PDPN: variants seen among roughly 807,000 people sequenced by gnomAD.
PDPN encodes the protein PA2.26 antigen.
PDPN carries 12 observed loss-of-function variants against 23.2 expected under a neutral mutation model. That is an observed-to-expected ratio of 0.52 (90% confidence interval 0.33 to 0.84). The LOEUF (loss-of-function observed/expected upper bound fraction) is 0.84, where lower values mean the gene tolerates loss of function less well. PDPN is among the 40% of genes least tolerant of loss of function. The pLI, the probability that PDPN is intolerant of heterozygous loss-of-function variation, is 0.02. For missense variants in PDPN, 199 were observed against 212.2 expected (o/e 0.94, Z 0.39); for synonymous variants, 77 against 76.7 (o/e 1.00, Z -0.02).
chr1:13,615,509 A>G (rs923209627), intron 5 of PDPN, among the ~76,000 whole-genome samples: 4 of 151,976 alleles, frequency 2.6e-5, no homozygotes, highest in Middle Eastern at 3.4e-3. Flanking sequence ...GATGGTCTCA[A>G]TCTCCTGACC....
At chr1:13,607,475 C>T (rs1345276327) in intron 2 of PDPN, among the ~76,000 whole-genome samples, 169 bp downstream of exon 2, 3 of 152,232 alleles carry the variant, frequency 2.0e-5, no homozygotes, top group Non-Finnish European at 2.9e-5. Context: ...TAAGTCCTCA[C>T]TTAATGTTGT....
intron 1 of PDPN, among the ~76,000 whole-genome samples, chr1:13,599,011 CTT>C (rs35244657): frequency 0.21 from 27,185 of 126,886 alleles, 3,159 homozygotes; most frequent in East Asian, 0.35. Flanking sequence ...GCCCCCCCTC[CTT>C]TTTTTTTTTT....
At position 13,585,878 on chromosome 1, in the gene PDPN, G is replaced by T. The variant is rs1251183480; in HGVS notation, c.67+1778G>T. 2.6e-5 allele frequency among the ~76,000 whole-genome samples: 4 copies of T among 152,286 alleles called. No homozygotes were observed. In the East Asian group the frequency reaches 7.7e-4, roughly 29 times the overall value. On this transcript the variant is annotated intron_variant, in intron 1 of 5. Coordinates refer to ENST00000621990, the MANE Select transcript of PDPN (RefSeq NM_006474.5). ...TTGTGGGCTTTTGTTGGGGAGCTGGGCTGGGGGGTAATTATGGTGATGAAT... is the reference window on the plus strand; with the variant it reads ...TTGTGGGCTTTTGTTGGGGAGCTGGTCTGGGGGGTAATTATGGTGATGAAT...
intron 1 of PDPN, among the ~76,000 whole-genome samples, chr1:13,586,967 C>T (rs1201404947): frequency 6.6e-6 from 1 of 152,180 alleles, no homozygotes; most frequent in South Asian, 2.1e-4. Flanking sequence ...GGAAGAATCG[C>T]TTGAACTCGT....
chr1:13,590,107 C>T (rs139096326), intron 1 of PDPN, among the ~76,000 whole-genome samples: 113 of 152,332 alleles, frequency 7.4e-4, no homozygotes, highest in Non-Finnish European at 1.2e-3. Context: ...GAATTACAGG[C>T]GTAAGCCACC....
chr1:13,585,352 G>A (rs1394849954), intron 1 of PDPN: 1 of 439,590 alleles, frequency 2.3e-6, no homozygotes, highest in South Asian at 2.1e-5. Flanking sequence ...GCTTCAAAGG[G>A]ACTGAGCAAC....
At chr1:13,615,860 A>C (rs1332999332) in intron 5 of PDPN, 45 bp from the exon 6 acceptor site, 1 of 1,591,390 alleles carries the variant, frequency 6.3e-7, no homozygotes, top group Non-Finnish European at 8.6e-7. Flanking sequence ...TACTATTCAC[A>C]ATGCCAGTAA....
chr1:13,584,004 C>A lies in PDPN; in HGVS notation c.-30C>A. 1 of 1,613,454 alleles carries A rather than the reference C, an allele frequency of 6.2e-7. No individual in the cohort carries two copies. The highest frequency in any genetic ancestry group is 8.5e-7 in the Non-Finnish European group (1 of 1,179,900). ...CCAGCTCAGAATCTTGCTGCTCGGCCCCCAGGAGAGCAACAACTCAACGGG... is the reference window on the plus strand; with the variant it reads ...CCAGCTCAGAATCTTGCTGCTCGGCACCCAGGAGAGCAACAACTCAACGGG... On this transcript the variant is annotated 5_prime_UTR_variant, in exon 1 of 6. Coordinates refer to ENST00000621990, the MANE Select transcript of PDPN (RefSeq NM_006474.5).
chr1:13,613,733 A>G lies in PDPN; in HGVS notation c.370+8A>G. 2 of 1,480,640 alleles carry G rather than the reference A, an allele frequency of 1.4e-6. No homozygotes were observed. Among genetic ancestry groups the G allele is most frequent in the Non-Finnish European group, 1.9e-6 (2 of 1,059,340 alleles). The allele number at this position is 1,480,640 out of a possible 1,614,324, so 91.7% of individuals were successfully genotyped here. On this transcript the variant is annotated splice_region_variant and intron_variant, in intron 4 of 5. Coordinates refer to ENST00000621990, the MANE Select transcript of PDPN (RefSeq NM_006474.5). The stretch of plus-strand genomic sequence containing the variant: ...AGACAACAGTTGAGAAAGGTAGGCT[A>G]GATTTTGGCATCAAAATACTCTTAC...
chr1:13,586,023 A>G (rs1013701578), intron 1 of PDPN, among the ~76,000 whole-genome samples: 3 of 152,120 alleles, frequency 2.0e-5, no homozygotes, highest in African/African-American at 7.2e-5. Flanking sequence ...AGTGGATTCA[A>G]AGGAGGTCTG....
intron 2 of PDPN, among the ~76,000 whole-genome samples, 181 bp from the exon 3 acceptor site, chr1:13,610,206 A>C (rs193080801): frequency 7.2e-5 from 11 of 152,148 alleles, no homozygotes; most frequent in Non-Finnish European, 1.3e-4. Flanking sequence ...GCTGCTATGA[A>C]CATGTGTGTA....
intron 3 of PDPN, 90 bp downstream of exon 3, chr1:13,610,606 G>T: frequency 7.7e-7 from 1 of 1,293,026 alleles, no homozygotes; most frequent in Non-Finnish European, 1.1e-6. Flanking sequence ...ATAATCAATA[G>T]GGGGCATATT....
chr1:13,601,465 T>A (rs1033574190), intron 1 of PDPN, among the ~76,000 whole-genome samples: 3 of 152,244 alleles, frequency 2.0e-5, no homozygotes, highest in African/African-American at 7.2e-5. Context: ...CAAACGATTC[T>A]CCTGCCTCAG....
At chr1:13,601,011 G>T (rs1426587859) in intron 1 of PDPN, among the ~76,000 whole-genome samples, 1 of 152,228 alleles carries the variant, frequency 6.6e-6, no homozygotes, top group Non-Finnish European at 1.5e-5. Flanking sequence ...AGTAGCAAAT[G>T]TGAGAGGGTG....
chr1:13,610,670 A>G (rs1321441613), intron 3 of PDPN, among the ~76,000 whole-genome samples, 154 bp downstream of exon 3: 4 of 152,174 alleles, frequency 2.6e-5, no homozygotes, highest in Admixed American at 2.6e-4. Flanking sequence ...TCAGAATTCT[A>G]TTTCAATTGA....
chr1:13,583,848 G>T lies in PDPN; in HGVS notation c.-186G>T. The T allele has an allele frequency of 6.3e-7, 1 of 1,582,618 alleles. No individual in the cohort carries two copies. Among genetic ancestry groups the T allele is most frequent in the Non-Finnish European group, 8.6e-7 (1 of 1,165,402 alleles). On this transcript the variant is annotated 5_prime_UTR_variant, in exon 1 of 6. Transcript: ENST00000621990. ...AAAGTTCTCAACTGCAAAGTTTGCT[G>T]TCCGGCTGCCTAGGGTCTGGGAAGC...
At chr1:13,587,015 C>T (rs1557533934) in intron 1 of PDPN, among the ~76,000 whole-genome samples, 1 of 152,198 alleles carries the variant, frequency 6.6e-6, no homozygotes, top group Non-Finnish European at 1.5e-5. Context: ...CACACCACAG[C>T]ACTCCAGCCT....
chr1:13,602,425 C>T (rs1453006415), intron 1 of PDPN, among the ~76,000 whole-genome samples: 1 of 151,938 alleles, frequency 6.6e-6, no homozygotes, highest in Non-Finnish European at 1.5e-5. Flanking sequence ...ATTACAAAAA[C>T]GGTCACAAAA....
At chr1:13,598,682 C>A (rs150482653) in intron 1 of PDPN, among the ~76,000 whole-genome samples, 1 of 152,266 alleles carries the variant, frequency 6.6e-6, no homozygotes, top group Non-Finnish European at 1.5e-5. Context: ...CTGTCCTCCT[C>A]AGCCCCTCCA....
Sources: allele counts gnomAD v4.1 joint callset (sites outside exome capture counted in the v4.1 genomes callset), GRCh38; gene constraint gnomAD v4.1.1; transcripts MANE v1.5; gene names NCBI Gene and HGNC (gene_info 2026-07-23, HGNC 2026-07-21).